Variants in L3MBTL3 observed in about 807,000 individuals in gnomAD.
L3MBTL3 encodes the protein L3MBTL histone methyl-lysine binding protein 3.
Under a neutral mutation model 102.3 loss-of-function variants are expected in L3MBTL3, and 27 were observed. The ratio of observed to expected loss-of-function variants is 0.26; its 90% CI spans 0.19 to 0.36. The LOEUF is 0.36. Among genes scored for constraint, L3MBTL3 ranks in the 10% least tolerant of loss-of-function variants. The pLI, the probability that L3MBTL3 is intolerant of heterozygous loss-of-function variation, is 1.00. For synonymous variants in L3MBTL3, 340 were observed against 320.9 expected (o/e 1.06, Z -0.64); for missense variants, 798 against 955.3 (o/e 0.84, Z 2.17).
chr6:130,077,607 C>A (rs989234480), intron 13 of L3MBTL3, among the ~76,000 whole-genome samples: 1 of 152,170 alleles, frequency 6.6e-6, no homozygotes, highest in Non-Finnish European at 1.5e-5. Flanking sequence ...AGTTTGGCTT[C>A]GTTGACTGTG....
At chr6:130,115,256 G>A (rs140204682) in intron 19 of L3MBTL3, among the ~76,000 whole-genome samples, 1 of 152,138 alleles carries the variant, frequency 6.6e-6, no homozygotes, top group Non-Finnish European at 1.5e-5. Context: ...AAACTAAGGA[G>A]TGAACTTTCA....
intron 13 of L3MBTL3, among the ~76,000 whole-genome samples, chr6:130,074,013 CT>C (rs1475395004): frequency 6.6e-6 from 1 of 152,144 alleles, no homozygotes; most frequent in Non-Finnish European, 1.5e-5. Flanking sequence ...AATTTCTCCA[CT>C]TTTACTAAAT....
At chr6:130,019,976 A>AGGC (rs1343930929) in intron 1 of L3MBTL3, among the ~76,000 whole-genome samples, 79 of 64,332 alleles carry the variant, frequency 1.2e-3, no homozygotes, top group African/African-American at 4.2e-3. Flanking sequence ...GTGTGTCGGG[A>AGGC]GGCGGCGGCG....
chr6:130,130,964 A>T (rs890285801), intron 20 of L3MBTL3, among the ~76,000 whole-genome samples: 11 of 152,196 alleles, frequency 7.2e-5, no homozygotes, highest in African/African-American at 2.4e-4. Flanking sequence ...TAAGAAATAA[A>T]TTTTTTAAAA....
chr6:130,078,429 C>T, intron 13 of L3MBTL3, 129 bp from the exon 14 acceptor site: 4 of 566,812 alleles, frequency 7.1e-6, no homozygotes, highest in South Asian at 3.0e-5. Flanking sequence ...CATTTTTTTC[C>T]AAATTAGATT....
intron 2 of L3MBTL3, among the ~76,000 whole-genome samples, 188 bp downstream of exon 2, chr6:130,022,493 G>C (rs1310167345): frequency 6.6e-6 from 1 of 152,168 alleles, no homozygotes; most frequent in Non-Finnish European, 1.5e-5. Context: ...TAGGAAGTTA[G>C]GAGATTGTCC....
chr6:130,021,282 G>A (rs956593642), intron 1 of L3MBTL3, among the ~76,000 whole-genome samples: 2 of 152,188 alleles, frequency 1.3e-5, no homozygotes, highest in African/African-American at 4.8e-5. Flanking sequence ...GCCTTTACTC[G>A]TAGCTACGTA....
At chr6:130,115,027 A>C (rs1379442595) in intron 19 of L3MBTL3, among the ~76,000 whole-genome samples, 1 of 149,800 alleles carries the variant, frequency 6.7e-6, no homozygotes, top group African/African-American at 2.5e-5. Flanking sequence ...AGTAAGTCAC[A>C]GCTCAGAAAC....
In L3MBTL3 at chr6:130,141,000, A is replaced by G. The variant is rs1788222735; in HGVS notation, c.*1247A>G. 6.6e-6 allele frequency: 1 copy of G among 152,668 alleles called. No individual in the cohort carries two copies. 9.5% of individuals were successfully genotyped at this position (152,668 alleles called of 1,614,324 possible). Reference sequence around the variant, plus strand: ...TTTAAATGAAAACCCTTGATTATAAATTGATAGCTGGTAGTGTTTCTTTTG... The same window carrying G: ...TTTAAATGAAAACCCTTGATTATAAGTTGATAGCTGGTAGTGTTTCTTTTG... On this transcript the variant is annotated 3_prime_UTR_variant, in exon 23 of 23. Transcript: ENST00000361794.
chr6:130,025,445 T>A (rs534860053), intron 2 of L3MBTL3, among the ~76,000 whole-genome samples: 1 of 152,206 alleles, frequency 6.6e-6, no homozygotes, highest in Non-Finnish European at 1.5e-5. Context: ...ATGCAGTGGG[T>A]GGATGAAAAG....
intron 2 of L3MBTL3, among the ~76,000 whole-genome samples, chr6:130,023,139 C>T (rs918504989): frequency 6.6e-6 from 1 of 151,776 alleles, no homozygotes; most frequent in Non-Finnish European, 1.5e-5. Context: ...ATAAAGGGGT[C>T]GCTAAATCTT....
At chr6:130,045,331 T>C (rs1780662014) in intron 3 of L3MBTL3, among the ~76,000 whole-genome samples, 1 of 152,206 alleles carries the variant, frequency 6.6e-6, no homozygotes, top group Non-Finnish European at 1.5e-5. Context: ...TCCCTGTTGC[T>C]GGAATCCCTT....
intron 8 of L3MBTL3, among the ~76,000 whole-genome samples, chr6:130,056,442 T>G (rs1262978308): frequency 6.6e-6 from 1 of 152,232 alleles, no homozygotes; most frequent in Non-Finnish European, 1.5e-5. Context: ...TCAGTCATAC[T>G]GTCCCGACAA....
chr6:130,090,238 T>G (rs9492448), intron 16 of L3MBTL3, among the ~76,000 whole-genome samples: 6,174 of 152,278 alleles, frequency 0.041, 423 homozygotes, highest in African/African-American at 0.14. Flanking sequence ...TTCTATTTCA[T>G]TATATGAATA....
At chr6:130,128,179 T>C (rs1272808603) in intron 20 of L3MBTL3, among the ~76,000 whole-genome samples, 2 of 152,170 alleles carry the variant, frequency 1.3e-5, no homozygotes, top group Admixed American at 6.5e-5. Context: ...CAGTAAACTT[T>C]AGTAGTGATT....
chr6:130,049,250 T>A, intron 3 of L3MBTL3, 32 bp from the exon 4 acceptor site: 1 of 1,275,632 alleles, frequency 7.8e-7, no homozygotes, highest in Non-Finnish European at 1.1e-6. Context: ...GAGCACTTTT[T>A]AAATTTTGCC....
Position 130,054,098 on chromosome 6 carries a change from A to G in L3MBTL3, c.583-1073A>G, listed in dbSNP as rs116472361. Among the ~76,000 whole-genome samples, 242 of 152,340 alleles carry G rather than the reference A, an allele frequency of 1.6e-3. 3 individuals are homozygous for G. The highest frequency in any genetic ancestry group is 5.6e-3 in the African/African-American group (234 of 41,572). ...TGGCATGAACAGTGTGATCTGATGA[A>G]TGAAGAGGAGTCAGCTATGTGAAGT... On this transcript the variant is annotated intron_variant, in intron 7 of 22. Transcript: ENST00000361794.
At chr6:130,053,424 G>A (rs4373379) in intron 7 of L3MBTL3, among the ~76,000 whole-genome samples, 81,469 of 151,868 alleles carry the variant, frequency 0.54, 25,328 homozygotes, top group East Asian at 0.76. Context: ...TCACGAGGTC[G>A]GGAGATCGAG....
chr6:130,136,611 A>G (rs778521483), intron 22 of L3MBTL3, among the ~76,000 whole-genome samples: 1 of 135,180 alleles, frequency 7.4e-6, no homozygotes, highest in African/African-American at 2.7e-5. Context: ...CTGTTTAATC[A>G]TAGCACAAAT....
Sources: allele counts gnomAD v4.1 joint callset (sites outside exome capture counted in the v4.1 genomes callset), GRCh38; gene constraint gnomAD v4.1.1; transcripts MANE v1.5; gene names NCBI Gene and HGNC (gene_info 2026-07-23, HGNC 2026-07-21).